Variants in PTPRN2 observed in about 807,000 individuals in gnomAD.
PTPRN2 encodes receptor-type tyrosine-protein phosphatase N2.
PTPRN2 carries 74 observed loss-of-function variants against 118.8 expected under a neutral mutation model. The ratio of observed to expected loss-of-function variants is 0.62; its 90% CI spans 0.52 to 0.76. The LOEUF (loss-of-function observed/expected upper bound fraction) is 0.76, where lower values mean the gene tolerates loss of function less well. Ranked by LOEUF, PTPRN2 falls within the 30% of genes least tolerant of loss-of-function variation. The pLI, the probability that PTPRN2 is intolerant of heterozygous loss-of-function variation, is 0.00. For missense variants in PTPRN2, 1,481 were observed against 1,394.4 expected (o/e 1.06, Z -0.99); for synonymous variants, 641 against 608.0 (o/e 1.05, Z -0.80).
intron 11 of PTPRN2, among the ~76,000 whole-genome samples, chr7:158,062,991 C>T (rs1007837087): frequency 6.6e-6 from 1 of 152,232 alleles, no homozygotes; most frequent in African/African-American, 2.4e-5. Context: ...GCTCCGCCTG[C>T]GGCCCTGGTG....
chr7:157,857,401 A>C (rs979854020), intron 12 of PTPRN2: 3 of 152,190 alleles, frequency 2.0e-5, no homozygotes, highest in African/African-American at 7.2e-5. Flanking sequence ...AGGAGATGGC[A>C]GATCTGCACA....
At chr7:158,128,698 C>A (rs1288238691) in intron 9 of PTPRN2, among the ~76,000 whole-genome samples, 1 of 152,128 alleles carries the variant, frequency 6.6e-6, no homozygotes, top group African/African-American at 2.4e-5. Flanking sequence ...CCCTAGCAAA[C>A]CACACCGGCC....
At chr7:158,278,631 G>A (rs757621297) in intron 3 of PTPRN2, among the ~76,000 whole-genome samples, 2 of 152,324 alleles carry the variant, frequency 1.3e-5, no homozygotes, top group South Asian at 2.1e-4. Context: ...TCTTGGTCTC[G>A]CTGACTTCAA....
intron 3 of PTPRN2, among the ~76,000 whole-genome samples, chr7:158,208,140 C>G (rs534305135): frequency 1.3e-5 from 2 of 152,040 alleles, no homozygotes; most frequent in South Asian, 4.2e-4. Flanking sequence ...TGAAGCACAC[C>G]TGCATGATCT....
Position 157,608,904 on chromosome 7 carries a change from G to A in PTPRN2, c.2345-4829C>T, listed in dbSNP as rs572535596. On this transcript the variant is annotated intron_variant, in intron 15 of 22. Coordinates refer to ENST00000389418, the MANE Select transcript of PTPRN2 (RefSeq NM_002847.5). ...TGGGGCTCATGTTTCCATTAAGAAC[G>A]GGTGTGCTCTATCAAAACCGTAGTC... Among the ~76,000 whole-genome samples, 5 of 152,312 alleles carry A rather than the reference G, an allele frequency of 3.3e-5. No homozygotes were observed. The South Asian group carries it at 6.2e-4, about 19-fold the overall frequency.
At chr7:158,233,702 A>G (rs894997923) in intron 3 of PTPRN2, among the ~76,000 whole-genome samples, 2 of 152,244 alleles carry the variant, frequency 1.3e-5, no homozygotes, top group Non-Finnish European at 2.9e-5. Flanking sequence ...GAGGTCTCAT[A>G]TGACCTGACT....
chr7:158,312,690 CCTG>C (rs1463102036), intron 3 of PTPRN2, among the ~76,000 whole-genome samples: 3 of 147,484 alleles, frequency 2.0e-5, no homozygotes, highest in African/African-American at 7.5e-5. Flanking sequence ...TGCATGCACA[CCTG>C]CACACTCATT....
intron 12 of PTPRN2, among the ~76,000 whole-genome samples, chr7:157,760,441 C>T (rs549528864): frequency 6.6e-6 from 1 of 152,206 alleles, no homozygotes; most frequent in East Asian, 1.9e-4. Flanking sequence ...AACCACAAGT[C>T]CTGCCCTCGA....
chr7:158,407,221 C>CCTGG (rs1813593632), intron 2 of PTPRN2, among the ~76,000 whole-genome samples: 1 of 13,082 alleles, frequency 7.6e-5, no homozygotes, highest in African/African-American at 2.7e-4. Flanking sequence ...CTGCGTCCTG[C>CCTGG]GTCCTGGGTC....
chr7:158,431,292 G>C (rs1314215443), intron 2 of PTPRN2, among the ~76,000 whole-genome samples: 9 of 148,858 alleles, frequency 6.0e-5, no homozygotes, highest in Non-Finnish European at 1.3e-4. Context: ...GCTCAAACTG[G>C]GCACACACCA....
chr7:157,646,768 G>C (rs1267157336), intron 14 of PTPRN2, among the ~76,000 whole-genome samples: 1 of 152,218 alleles, frequency 6.6e-6, no homozygotes, highest in Admixed American at 6.5e-5. Flanking sequence ...AAGCAAGTTA[G>C]GGTGTGAGGA....
intron 3 of PTPRN2, among the ~76,000 whole-genome samples, chr7:158,275,720 C>A (rs1798916116): frequency 6.6e-6 from 1 of 152,124 alleles, no homozygotes; most frequent in African/African-American, 2.4e-5. Context: ...CCAGGGCTGG[C>A]CCCCACCCTG....
chr7:157,792,533 G>A (rs1251424444), intron 12 of PTPRN2, among the ~76,000 whole-genome samples: 5 of 152,230 alleles, frequency 3.3e-5, no homozygotes, highest in African/African-American at 4.8e-5. Context: ...CACATGGCAC[G>A]GCTCCTGCAC....
chr7:158,502,328 A>C (rs1425954977), intron 1 of PTPRN2, among the ~76,000 whole-genome samples: 2 of 152,250 alleles, frequency 1.3e-5, no homozygotes, highest in Non-Finnish European at 2.9e-5. Context: ...TTTTACAAAA[A>C]AACTTAGCCA....
chr7:157,791,326 AAACAG>A (rs1311016174), intron 12 of PTPRN2, among the ~76,000 whole-genome samples: 3 of 152,262 alleles, frequency 2.0e-5, no homozygotes, highest in Non-Finnish European at 2.9e-5. Context: ...CCATGTTTGA[AAACAG>A]AACAGAACAA....
intron 9 of PTPRN2, among the ~76,000 whole-genome samples, chr7:158,120,060 G>A (rs1054444413): frequency 1.5e-4 from 23 of 152,204 alleles, no homozygotes; most frequent in Admixed American, 4.6e-4. Flanking sequence ...CAACAGGGAT[G>A]AACCCTGAAA....
At chr7:158,404,868 A>C (rs1586588428) in intron 2 of PTPRN2, among the ~76,000 whole-genome samples, 1 of 31,880 alleles carries the variant, frequency 3.1e-5, no homozygotes, top group African/African-American at 1.2e-4. Flanking sequence ...CCCAGCCCCC[A>C]GCTCCCTGGC....
intron 12 of PTPRN2, among the ~76,000 whole-genome samples, chr7:157,750,072 G>A (rs1369183384): frequency 6.6e-6 from 1 of 152,042 alleles, no homozygotes; most frequent in African/African-American, 2.4e-5. Context: ...GGATTCTGAG[G>A]GCTCTTTTGC....
At chr7:158,333,868 C>A (rs1211864041) in intron 2 of PTPRN2, among the ~76,000 whole-genome samples, 4 of 134,980 alleles carry the variant, frequency 3.0e-5, no homozygotes, top group Non-Finnish European at 6.4e-5. Flanking sequence ...AGACGTCACT[C>A]ACACCCACAC....
Sources: gnomAD v4.1 joint callset for allele counts (sites outside exome capture counted in the v4.1 genomes callset) on GRCh38, gnomAD v4.1.1 for gene constraint, MANE v1.5 for transcripts, NCBI Gene and HGNC (gene_info 2026-07-23, HGNC 2026-07-21) for gene names.